The following AP3D1 variants were observed in gnomAD, a reference collection of about 807,000 sequenced individuals.
The protein encoded by AP3D1 is adaptor related protein complex 3 subunit delta 1.
A neutral mutation model predicts 147.6 loss-of-function variants in AP3D1; 51 were observed. The observed-to-expected ratio is 0.35, with a 90% CI of 0.28 to 0.44. The LOEUF (loss-of-function observed/expected upper bound fraction) is 0.44. Ranked by LOEUF, AP3D1 falls within the 20% of genes least tolerant of loss-of-function variation. The pLI, the probability that AP3D1 is intolerant of heterozygous loss-of-function variation, is 1.00. For missense variants in AP3D1, 1,421 were observed against 1,624.2 expected, an observed-to-expected ratio of 0.87 and a Z score of 2.15; for synonymous variants, 760 against 663.0, an observed-to-expected ratio of 1.15 and a Z score of -2.25.
chr19:2,141,919 T>G (rs980683171), intron 1 of AP3D1, among the ~76,000 whole-genome samples: 4 of 150,372 alleles, frequency 2.7e-5, no homozygotes, highest in Non-Finnish European at 5.9e-5. Flanking sequence ...TGGGCGAATT[T>G]TTAAAATTAT....
chr19:2,108,874 G>T, intron 30 of AP3D1, 108 bp from the exon 31 acceptor site: 2 of 1,362,074 alleles, frequency 1.5e-6, no homozygotes, highest in Non-Finnish European at 1.0e-6. Context: ...AGCTTCAGGA[G>T]GCCTGTAGGA....
intron 9 of AP3D1, 114 bp from the exon 10 acceptor site, chr19:2,123,993 A>G: frequency 8.4e-7 from 1 of 1,186,974 alleles, no homozygotes; most frequent in Admixed American, 2.0e-5. Context: ...GGGAGGGAGG[A>G]CAGAAATGCC....
intron 4 of AP3D1, 36 bp downstream of exon 4, chr19:2,136,975 C>G: frequency 6.5e-7 from 1 of 1,546,982 alleles, no homozygotes; most frequent in Non-Finnish European, 8.8e-7. Flanking sequence ...GCAGACTGCA[C>G]TCAGCACAGA....
chr19:2,137,921 C>A, intron 2 of AP3D1, 114 bp from the exon 3 acceptor site: 1 of 884,522 alleles, frequency 1.1e-6, no homozygotes, highest in South Asian at 1.6e-5. Context: ...GACTCATTCA[C>A]TGTCAGCAAA....
At chr19:2,128,417 T>C (rs2018821888) in intron 8 of AP3D1, among the ~76,000 whole-genome samples, 2 of 151,766 alleles carry the variant, frequency 1.3e-5, no homozygotes, top group Non-Finnish European at 2.9e-5. Context: ...TGTACCGCAC[T>C]GGGGCCGGGC....
Position 2,151,452 on chromosome 19 carries a change from G to T in AP3D1, c.-118C>A. ...GCTGCCGGCCGCTGCGGCGGGGCAA[G>T]CTCCCAGGCCAGGGCGGCGGCGGGG... On this transcript the variant is annotated 5_prime_UTR_variant, in exon 1 of 32. Coordinates refer to ENST00000643116, the MANE Select transcript of AP3D1 (RefSeq NM_001261826.3). 1.8e-6 allele frequency: 1 copy of T among 561,648 alleles called. No individual in the cohort carries two copies. Among genetic ancestry groups the T allele is most frequent in the Non-Finnish European group, 2.3e-6 (1 of 434,592 alleles). The allele number at this position is 561,648 out of a possible 1,614,324, so 34.8% of individuals were successfully genotyped here.
At chr19:2,150,906 G>A (rs2019489539) in intron 1 of AP3D1, among the ~76,000 whole-genome samples, 3 of 152,196 alleles carry the variant, frequency 2.0e-5, no homozygotes, top group Admixed American at 2.0e-4. Flanking sequence ...CTCCCTCTGA[G>A]AGAGTAAACT....
chr19:2,164,537 G>T (rs1299575914), upstream of AP3D1: 2 of 285,396 alleles, frequency 7.0e-6, no homozygotes, highest in Non-Finnish European at 1.3e-5. Flanking sequence ...GGGCTGTCCC[G>T]GGCGCGGAAC....
intron 31 of AP3D1, among the ~76,000 whole-genome samples, chr19:2,104,040 C>G (rs566460327): frequency 1.8e-3 from 273 of 151,896 alleles, no homozygotes; most frequent in African/African-American, 6.4e-3. Context: ...GCTCAAGACC[C>G]CAACACCAAG....
intron 31 of AP3D1, among the ~76,000 whole-genome samples, chr19:2,103,802 CA>C (rs1422318439): frequency 1.3e-5 from 2 of 152,210 alleles, no homozygotes; most frequent in Admixed American, 1.3e-4. Flanking sequence ...TCCACTCATA[CA>C]GAGAGGCCCT....
At chr19:2,108,481 A>G (rs2018173136) in intron 31 of AP3D1, among the ~76,000 whole-genome samples, 2 of 152,332 alleles carry the variant, frequency 1.3e-5, no homozygotes, top group East Asian at 1.9e-4. Flanking sequence ...TGAGCAGCGC[A>G]GCAGGAGGCA....
chr19:2,135,056 C>G (rs567967569), intron 4 of AP3D1, among the ~76,000 whole-genome samples: 3 of 149,668 alleles, frequency 2.0e-5, no homozygotes, highest in African/African-American at 7.4e-5. Context: ...AAAAAATTAG[C>G]CGGGTGTGGT....
chr19:2,113,015 C>T, intron 23 of AP3D1, 48 bp from the exon 24 acceptor site: 1 of 1,373,486 alleles, frequency 7.3e-7, no homozygotes, highest in Non-Finnish European at 1.0e-6. Context: ...TGAGGGGCCC[C>T]ACTCCACTGC....
At chr19:2,123,253 TG>T (rs1318359104) in intron 11 of AP3D1, 104 bp downstream of exon 11, 25 of 1,163,462 alleles carry the variant, frequency 2.1e-5, no homozygotes, top group Non-Finnish European at 2.4e-5. Flanking sequence ...GGGAGACAGC[TG>T]GGGTTGCAGA....
At chr19:2,117,003 G>T in intron 16 of AP3D1, 1 of 798,786 alleles carries the variant, frequency 1.3e-6, no homozygotes, top group Non-Finnish European at 1.9e-6. Context: ...AAGGGTGGGA[G>T]CAGGCCCACT....
intron 14 of AP3D1, 129 bp from the exon 15 acceptor site, chr19:2,118,961 G>T: frequency 1.2e-6 from 1 of 811,554 alleles, no homozygotes; most frequent in Non-Finnish European, 1.9e-6. Context: ...TCCCTGAGCG[G>T]TCTCCAGGGG....
rs531017337 is a variant in AP3D1 at position 2,120,752 on chromosome 19, G to C, written c.1481+110C>G. 29 of 1,105,420 alleles carry C rather than the reference G, an allele frequency of 2.6e-5. No homozygotes were observed. The East Asian group carries it at 6.2e-4, about 24-fold the overall frequency. The allele number at this position is 1,105,420 out of a possible 1,614,324, so 68.5% of individuals were successfully genotyped here. A position where few individuals can be genotyped will look rare whatever the true frequency, so the allele number is the denominator to read the frequency against. ...ACCCACGGACCTGCAAGACGGCCGG[G>C]GTGGCAGGGCGATGGGAGACGGTAG... On this transcript the variant is annotated intron_variant, in intron 14 of 31. Coordinates refer to ENST00000643116, the MANE Select transcript of AP3D1 (RefSeq NM_001261826.3).
intron 1 of AP3D1, among the ~76,000 whole-genome samples, chr19:2,142,992 G>A (rs1447676070): frequency 1.3e-5 from 2 of 151,816 alleles, no homozygotes; most frequent in Admixed American, 6.6e-5. Context: ...TCGAACTCCC[G>A]ACCTCAGGTG....
chr19:2,110,578 C>T (rs1887538241), intron 27 of AP3D1, 129 bp downstream of exon 27: 2 of 1,031,164 alleles, frequency 1.9e-6, no homozygotes, highest in African/African-American at 3.2e-5. Flanking sequence ...TCAGGAGGTA[C>T]TGAGGTGCAG....
Sources: allele counts gnomAD v4.1 joint callset (sites outside exome capture counted in the v4.1 genomes callset), GRCh38; gene constraint gnomAD v4.1.1; transcripts MANE v1.5; gene names NCBI Gene and HGNC (gene_info 2026-07-23, HGNC 2026-07-21).